Variants in WDR33 observed in about 807,000 individuals in gnomAD.
WDR33 encodes the protein WD repeat domain 33, also known as pre-mRNA 3' end processing protein WDR33.
In WDR33, 47 loss-of-function variants were observed where a neutral mutation model predicts 164.9. The observed-to-expected ratio is 0.29, with a 90% confidence interval of 0.23 to 0.36. WDR33 has a LOEUF of 0.36. Among genes scored for constraint, WDR33 ranks in the 10% least tolerant of loss-of-function variants. The pLI is 1.00. For missense variants in WDR33, 1,137 were observed against 1,754.1 expected (o/e 0.65, Z 6.28); for synonymous variants, 505 against 589.0 (o/e 0.86, Z 2.06).
chr2:127,740,893 T>A (rs1686995379), intron 7 of WDR33, among the ~76,000 whole-genome samples: 1 of 152,220 alleles, frequency 6.6e-6, no homozygotes. Context: ...TGGCTACAAA[T>A]TTTAGGAAAT....
intron 1 of WDR33, among the ~76,000 whole-genome samples, chr2:127,805,841 A>T (rs1689418248): frequency 6.6e-6 from 1 of 152,018 alleles, no homozygotes; most frequent in African/African-American, 2.4e-5. Context: ...TTTCATTCGT[A>T]TTTAAACATC....
intron 1 of WDR33, among the ~76,000 whole-genome samples, chr2:127,781,310 A>G (rs1479179023): frequency 6.6e-6 from 1 of 152,164 alleles, no homozygotes; most frequent in Non-Finnish European, 1.5e-5. Context: ...GCCAAGAGTT[A>G]GGGGGGTAGG....
At position 127,701,780 on chromosome 2, in the gene WDR33, G is replaced by C. The variant is rs1685890653; in HGVS notation, c.*4543C>G. The stretch of plus-strand genomic sequence containing the variant: ...GGCTGGCGGCGGGCGGCGGGTGCCT[G>C]CTGCTGGCTGCACTGTGTTTCGGCC... On this transcript the variant is annotated 3_prime_UTR_variant, in exon 22 of 22. Coordinates refer to ENST00000322313, the MANE Select transcript of WDR33 (RefSeq NM_018383.5). 1.4e-6 allele frequency: 2 copies of C among 1,435,930 alleles called. No homozygotes were observed. The highest frequency in any genetic ancestry group is 1.8e-6 in the Non-Finnish European group (2 of 1,095,434). The allele number at this position is 1,435,930 out of a possible 1,614,324, so 88.9% of individuals were successfully genotyped here. A position where few individuals can be genotyped will look rare whatever the true frequency, so the allele number is the denominator to read the frequency against.
intron 2 of WDR33, among the ~76,000 whole-genome samples, chr2:127,769,926 C>T (rs1428822404): frequency 6.6e-6 from 1 of 152,092 alleles, no homozygotes; most frequent in Non-Finnish European, 1.5e-5. Flanking sequence ...GCAGGTAGAC[C>T]CCTGCCTTGC....
rs1021298847 is a variant in WDR33, at chr2:127,764,265, C to G, written c.626+563G>C. ...GTCCTAGAGTCTTCTTGACAATGAT[C>G]TGCTTACAGCTGCAAAGCTTGAAGA... On this transcript the variant is annotated intron_variant, in intron 6 of 21. Coordinates refer to ENST00000322313, the MANE Select transcript of WDR33 (RefSeq NM_018383.5). This position sits in a 1 kb window ranked among gnomAD's most constrained non-coding sequence, Gnocchi z 6.2. 4.4e-5 allele frequency: 53 copies of G among 1,212,050 alleles called. No individual in the cohort carries two copies. The South Asian group carries it at 1.5e-3, about 33-fold the overall frequency. The allele number at this position is 1,212,050 out of a possible 1,614,324, so 75.1% of individuals were successfully genotyped here. A position where few individuals can be genotyped will look rare whatever the true frequency, so the allele number is the denominator to read the frequency against.
intron 1 of WDR33, among the ~76,000 whole-genome samples, chr2:127,787,543 C>T (rs1238329818): frequency 5.0e-5 from 6 of 120,842 alleles, no homozygotes; most frequent in Non-Finnish European, 8.6e-5. Flanking sequence ...GGGGCTGACA[C>T]CCCCACCTCC....
At chr2:127,711,751 G>GATATATATATATAGATATATAT in intron 18 of WDR33, among the ~76,000 whole-genome samples, 1 of 71,600 alleles carries the variant, frequency 1.4e-5, no homozygotes, top group African/African-American at 9.9e-5. Flanking sequence ...CACATATACA[G>GATATATATATATAGATATATAT]ATATATATAT....
chr2:127,727,116 G>A (rs1365214329), intron 7 of WDR33, among the ~76,000 whole-genome samples: 1 of 152,140 alleles, frequency 6.6e-6, no homozygotes, highest in Non-Finnish European at 1.5e-5. Flanking sequence ...CGATTACCCT[G>A]ATTATAGGGC....
chr2:127,806,055 T>C (rs1689429343), intron 1 of WDR33, among the ~76,000 whole-genome samples: 1 of 151,810 alleles, frequency 6.6e-6, no homozygotes. Context: ...GAGGCTGCAG[T>C]GAGCTGTGAT....
At position 127,702,292 on chromosome 2, in the gene WDR33, C is replaced by T. The variant is rs1449517716; in HGVS notation, c.*4031G>A. On this transcript the variant is annotated 3_prime_UTR_variant, in exon 22 of 22. Coordinates refer to ENST00000322313, the MANE Select transcript of WDR33 (RefSeq NM_018383.5). ...GGAAGCCCGTGGCGAAGGCCCTGCC[C>T]TAACAGCCTGCGAGTCTAATCCGGG... The T allele has an allele frequency of 9.6e-7, 1 of 1,042,000 alleles. No individual in the cohort carries two copies. The highest frequency in any genetic ancestry group is 1.2e-6 in the Non-Finnish European group (1 of 827,732). The allele number at this position is 1,042,000 out of a possible 1,614,324, so 64.5% of individuals were successfully genotyped here. A position where few individuals can be genotyped will look rare whatever the true frequency, so the allele number is the denominator to read the frequency against.
At chr2:127,791,998 G>C (rs1434487936) in intron 1 of WDR33, among the ~76,000 whole-genome samples, 1 of 151,716 alleles carries the variant, frequency 6.6e-6, no homozygotes, top group Non-Finnish European at 1.5e-5. Context: ...GAGTGCAGTG[G>C]TGTGATCTCA....
At chr2:127,727,728 A>G (rs139855312) in intron 7 of WDR33, among the ~76,000 whole-genome samples, 45 of 152,376 alleles carry the variant, frequency 3.0e-4, no homozygotes, top group Non-Finnish European at 6.0e-4. Context: ...TGCTGTACAA[A>G]GCCCCAAGGA....
chr2:127,787,834 G>C (rs1573461463), intron 1 of WDR33, among the ~76,000 whole-genome samples: 1 of 75,822 alleles, frequency 1.3e-5, no homozygotes, highest in Non-Finnish European at 2.6e-5. Context: ...CTGGCCGGGC[G>C]GGGGGGCTGA....
rs1313136648 is a variant in WDR33, at chr2:127,723,769, A to G, written c.1197-422T>C. Among the ~76,000 whole-genome samples the G allele has an allele frequency of 6.6e-6, 1 of 151,258 alleles. No individual in the cohort carries two copies. Among genetic ancestry groups the G allele is most frequent in the Non-Finnish European group, 1.5e-5 (1 of 67,852 alleles). On this transcript the variant is annotated intron_variant, in intron 11 of 21. Coordinates refer to ENST00000322313, the MANE Select transcript of WDR33 (RefSeq NM_018383.5). The surrounding 1 kb of genome is among the most constrained non-coding windows in gnomAD (Gnocchi z 5.9). ...GAGTGAGACTCTGTCTCTTAAAATA[A>G]TAATAAAAATAAAAATAAAATGTGG...
At position 127,719,887 on chromosome 2, in the gene WDR33, G is replaced by A. The variant is rs780101928; in HGVS notation, c.2138C>T (p.Pro713Leu). 64 of 1,613,796 alleles carry A rather than the reference G, an allele frequency of 4.0e-5. No homozygotes were observed. The East Asian group carries it at 1.4e-3, about 35-fold the overall frequency. Residue 713 changes from proline to leucine, a missense_variant, in exon 16 of 22, where the codon CCA becomes CTA. By Grantham distance (98) the Pro-to-Leu change is moderately conservative (BLOSUM62 -3). Around this residue, in one of 9 missense-constraint regions of WDR33, gnomAD observed 867 missense variants for 1,073.0 expected, o/e 0.81. Transcript: ENST00000322313. The surrounding 1 kb of genome is among the most constrained non-coding windows in gnomAD (Gnocchi z 6.5). The part of the protein sequence containing the change: ...GHMGPQGPPG[P>L]QGHIGPQGPP... ...GCCTTGGGGGCCTATGTGACCCTGT[G>A]GGCCAGGTGGACCCTGAGGACCCAT...
At chr2:127,803,980 A>G (rs1209934677) in intron 1 of WDR33, among the ~76,000 whole-genome samples, 2 of 151,652 alleles carry the variant, frequency 1.3e-5, no homozygotes, top group Admixed American at 6.6e-5. Flanking sequence ...ACCAAAAGCA[A>G]TAAGGGCCAA....
intron 7 of WDR33, among the ~76,000 whole-genome samples, chr2:127,749,448 G>C (rs1687253812): frequency 6.6e-6 from 1 of 152,108 alleles, no homozygotes; most frequent in Admixed American, 6.5e-5. Flanking sequence ...GATCACCCGA[G>C]GTCAGGGGTT....
intron 7 of WDR33, among the ~76,000 whole-genome samples, chr2:127,756,910 T>C (rs1289446485): frequency 6.6e-6 from 1 of 151,920 alleles, no homozygotes; most frequent in Non-Finnish European, 1.5e-5. Flanking sequence ...AGCCCATCTC[T>C]ACCAAAAAAT....
chr2:127,715,242 G>A lies in WDR33; in HGVS notation c.2870-1221C>T, dbSNP rs561139704. ...GAGTAGCTGGGATTACAGGTACCAC[G>A]CCCGGCTAATTTTTGTATTTTCAGT... On this transcript the variant is annotated intron_variant, in intron 17 of 21. Coordinates refer to ENST00000322313, the MANE Select transcript of WDR33 (RefSeq NM_018383.5). Among the ~76,000 whole-genome samples the A allele has an allele frequency of 1.3e-4, 19 of 151,606 alleles. 1 individual carries two copies. The South Asian group carries it at 2.9e-3, about 23-fold the overall frequency.
Sources: gnomAD v4.1 joint callset for allele counts (sites outside exome capture counted in the v4.1 genomes callset) on GRCh38, gnomAD v4.1.1 for gene constraint, gnomAD v4.1.1 regional missense constraint, Gnocchi (gnomAD v3.1) non-coding constraint, MANE v1.5 for transcripts, NCBI Gene and HGNC (gene_info 2026-07-23, HGNC 2026-07-21) for gene names.